Variants in TYW1 observed in about 807,000 individuals in gnomAD.
TYW1 encodes tRNA-yW synthesizing protein 1 homolog.
In TYW1, 46 loss-of-function variants were observed where a neutral mutation model predicts 96.2. The ratio of observed to expected loss-of-function variants is 0.48; its 90% CI spans 0.38 to 0.61. The LOEUF (loss-of-function observed/expected upper bound fraction) is 0.61, where lower values mean the gene tolerates loss of function less well. Among genes scored for constraint, TYW1 ranks in the 20% least tolerant of loss-of-function variants. TYW1 has a pLI of 0.00. For missense variants in TYW1, 684 were observed against 909.6 expected (o/e 0.75, Z 3.19); for synonymous variants, 274 against 323.0 (o/e 0.85, Z 1.63).
intron 13 of TYW1, among the ~76,000 whole-genome samples, chr7:67,150,085 T>C (rs1473502088): frequency 1.3e-5 from 2 of 151,718 alleles, no homozygotes; most frequent in Admixed American, 6.6e-5. Context: ...ATTCCCAGGT[T>C]GTAGGTCCAT....
At chr7:67,199,860 T>C in intron 15 of TYW1, among the ~76,000 whole-genome samples, 1 of 151,632 alleles carries the variant, frequency 6.6e-6, no homozygotes, top group East Asian at 1.9e-4. Flanking sequence ...TTAAAGTACC[T>C]AGAAGGATTC....
intron 15 of TYW1, among the ~76,000 whole-genome samples, chr7:67,202,640 T>C (rs1452095470): frequency 6.6e-6 from 1 of 152,064 alleles, no homozygotes; most frequent in Non-Finnish European, 1.5e-5. Context: ...CGAGCAGCCC[T>C]CCCACCTCAG....
chr7:67,090,290 C>T (rs750320838), intron 11 of TYW1, among the ~76,000 whole-genome samples: 96 of 152,172 alleles, frequency 6.3e-4, no homozygotes, highest in Non-Finnish European at 1.2e-3. Flanking sequence ...CAGGGCAGGT[C>T]GTTGGGAAGA....
chr7:67,072,480 C>T (rs1337212644), intron 10 of TYW1, among the ~76,000 whole-genome samples: 1 of 152,110 alleles, frequency 6.6e-6, no homozygotes. Flanking sequence ...AACTCCTCAC[C>T]TTGTGATCTG....
intron 5 of TYW1, among the ~76,000 whole-genome samples, chr7:67,017,208 C>A (rs1413884322): frequency 2.6e-5 from 4 of 152,046 alleles, no homozygotes; most frequent in African/African-American, 9.7e-5. Context: ...GTCTTGAACT[C>A]CTGGCCTGAA....
At chr7:67,211,150 TTGTGTGTG>T (rs61112149) in intron 15 of TYW1, among the ~76,000 whole-genome samples, 4,534 of 125,708 alleles carry the variant, frequency 0.036, 246 homozygotes, top group African/African-American at 0.098. Flanking sequence ...CCCATCAACA[TTGTGTGTG>T]TGTGTGTGTG....
At chr7:67,045,222 A>T (rs1231103961) in intron 7 of TYW1, among the ~76,000 whole-genome samples, 1 of 150,964 alleles carries the variant, frequency 6.6e-6, no homozygotes, top group Admixed American at 6.6e-5. Flanking sequence ...AATTTTTTTT[A>T]TTTTTAGAGA....
intron 13 of TYW1, among the ~76,000 whole-genome samples, chr7:67,147,707 G>A (rs528567353): frequency 6.6e-6 from 1 of 152,168 alleles, no homozygotes; most frequent in African/African-American, 2.4e-5. Flanking sequence ...TTAGTTTACT[G>A]AGGATAATGG....
chr7:67,196,079 T>C (rs1800384374), intron 15 of TYW1, among the ~76,000 whole-genome samples: 2 of 152,140 alleles, frequency 1.3e-5, no homozygotes, highest in Admixed American at 1.3e-4. Flanking sequence ...TTGTATTTTT[T>C]GTGCTTTTGT....
intron 13 of TYW1, among the ~76,000 whole-genome samples, chr7:67,172,634 G>A (rs777552968): frequency 1.3e-5 from 2 of 152,004 alleles, no homozygotes; most frequent in Non-Finnish European, 2.9e-5. Flanking sequence ...TGTTGGCCAG[G>A]CTTGTCTTGG....
chr7:67,073,068 G>C (rs1422602971), intron 10 of TYW1, among the ~76,000 whole-genome samples: 1 of 150,700 alleles, frequency 6.6e-6, no homozygotes, highest in Non-Finnish European at 1.5e-5. Flanking sequence ...ATAGGCGTGG[G>C]CTACCATACC....
At chr7:67,107,805 A>T (rs564026129) in intron 12 of TYW1, among the ~76,000 whole-genome samples, 1 of 149,354 alleles carries the variant, frequency 6.7e-6, no homozygotes, top group South Asian at 2.1e-4. Flanking sequence ...TGCTCAAGTG[A>T]TCCTCCCACC....
intron 13 of TYW1, among the ~76,000 whole-genome samples, chr7:67,121,534 T>A (rs1797760644): frequency 6.6e-6 from 1 of 152,150 alleles, no homozygotes; most frequent in African/African-American, 2.4e-5. Context: ...AGAGCAAGAC[T>A]CTGTCTCAAA....
At chr7:67,205,081 GTGTTA>G (rs1431427671) in intron 15 of TYW1, among the ~76,000 whole-genome samples, 1 of 151,906 alleles carries the variant, frequency 6.6e-6, no homozygotes, top group Non-Finnish European at 1.5e-5. Context: ...GACATTTTGG[GTGTTA>G]TGTTAGGAGA....
chr7:67,107,732 T>TG (rs1797285016), intron 12 of TYW1, among the ~76,000 whole-genome samples: 1 of 151,730 alleles, frequency 6.6e-6, no homozygotes, highest in African/African-American at 2.4e-5. Context: ...AGATTGACTT[T>TG]TTTTTTTTTT....
intron 6 of TYW1, among the ~76,000 whole-genome samples, chr7:67,023,280 A>G (rs1794339717): frequency 6.6e-6 from 1 of 151,838 alleles, no homozygotes; most frequent in South Asian, 2.1e-4. Flanking sequence ...TATTTTTAGT[A>G]GGGACAGAGT....
Position 66,996,854 on chromosome 7 carries a change from A to C in TYW1, c.-125A>C. 6.5e-7 allele frequency: 1 copy of C among 1,530,088 alleles called. No individual in the cohort carries two copies. The highest frequency in any genetic ancestry group is 8.9e-7 in the Non-Finnish European group (1 of 1,121,718). The allele number at this position is 1,530,088 out of a possible 1,614,324, so 94.8% of individuals were successfully genotyped here. On this transcript the variant is annotated 5_prime_UTR_variant, in exon 1 of 16. Coordinates refer to ENST00000359626, the MANE Select transcript of TYW1 (RefSeq NM_018264.4). ...CGGCCTGGCAGTGTCATGGCTGCCC[A>C]CAGGTCTGCAGGCACTCGGTACGCC... is the stretch of plus-strand genomic sequence containing the variant.
At chr7:67,069,270 A>G (rs1005332258) in intron 10 of TYW1, among the ~76,000 whole-genome samples, 2 of 152,202 alleles carry the variant, frequency 1.3e-5, no homozygotes, top group Non-Finnish European at 2.9e-5. Flanking sequence ...AATTGATATT[A>G]TTTGACTCAA....
At chr7:67,099,716 T>C (rs1330009129) in intron 12 of TYW1, among the ~76,000 whole-genome samples, 4 of 152,142 alleles carry the variant, frequency 2.6e-5, no homozygotes, top group Admixed American at 1.3e-4. Flanking sequence ...AAAAAGATGC[T>C]GTTAAGCCAG....
Sources: allele counts gnomAD v4.1 joint callset (sites outside exome capture counted in the v4.1 genomes callset), GRCh38; gene constraint gnomAD v4.1.1; transcripts MANE v1.5; gene names NCBI Gene and HGNC (gene_info 2026-07-23, HGNC 2026-07-21).